MAP3K5: variants seen among roughly 807,000 people sequenced by gnomAD.
MAP3K5 encodes mitogen-activated protein kinase kinase kinase 5.
MAP3K5 carries 56 observed loss-of-function variants against 158.7 expected under a neutral mutation model. That is an observed-to-expected ratio of 0.35 (90% CI 0.28 to 0.44). The LOEUF (loss-of-function observed/expected upper bound fraction) is 0.44, where lower values mean the gene tolerates loss of function less well. MAP3K5 is among the 20% of genes least tolerant of loss of function. The pLI, the probability that MAP3K5 is intolerant of heterozygous loss-of-function variation, is 1.00. For missense variants in MAP3K5, 1,294 were observed against 1,674.8 expected, an observed-to-expected ratio of 0.77 and a Z score of 3.97; for synonymous variants, 579 against 601.7, an observed-to-expected ratio of 0.96 and a Z score of 0.55.
chr6:136,636,077 T>C (rs1418011152), intron 14 of MAP3K5, among the ~76,000 whole-genome samples: 2 of 152,204 alleles, frequency 1.3e-5, no homozygotes, highest in African/African-American at 4.8e-5. Flanking sequence ...ATTTTCAGTA[T>C]GGCTTGGTGC....
intron 7 of MAP3K5, among the ~76,000 whole-genome samples, chr6:136,692,506 C>T (rs1218168961): frequency 2.0e-5 from 3 of 152,146 alleles, no homozygotes; most frequent in East Asian, 1.9e-4. Flanking sequence ...TTATCCTATG[C>T]GGTGCCCTTC....
intron 12 of MAP3K5, among the ~76,000 whole-genome samples, chr6:136,642,019 T>TA (rs1777977445): frequency 9.6e-6 from 1 of 103,908 alleles, no homozygotes; most frequent in East Asian, 2.6e-4. Context: ...ATAAAATAAA[T>TA]AAAATAAAAT....
At chr6:136,653,459 C>A (rs932994134) in intron 10 of MAP3K5, among the ~76,000 whole-genome samples, 2 of 152,162 alleles carry the variant, frequency 1.3e-5, no homozygotes, top group Non-Finnish European at 2.9e-5. Context: ...CTACTGCAAC[C>A]TTTGTAGTGT....
intron 1 of MAP3K5, among the ~76,000 whole-genome samples, chr6:136,732,298 G>A (rs1311234327): frequency 2.0e-5 from 3 of 152,086 alleles, no homozygotes; most frequent in East Asian, 3.9e-4. Context: ...AGTGGCGGGC[G>A]CTTGTAGTCC....
chr6:136,600,876 C>T (rs1775842167), intron 21 of MAP3K5, 146 bp downstream of exon 21: 2 of 637,118 alleles, frequency 3.1e-6, no homozygotes, highest in Non-Finnish European at 2.6e-6. Context: ...TGCAGCTGCA[C>T]ACATCCTTAT....
chr6:136,695,448 T>C (rs986230550), intron 6 of MAP3K5, among the ~76,000 whole-genome samples: 1 of 152,214 alleles, frequency 6.6e-6, no homozygotes, highest in South Asian at 2.1e-4. Context: ...CTGTGAAATA[T>C]GTTTCAATAA....
chr6:136,730,301 C>CTT (rs78963095), intron 1 of MAP3K5, among the ~76,000 whole-genome samples: 2 of 144,984 alleles, frequency 1.4e-5, no homozygotes, highest in African/African-American at 5.0e-5. Context: ...ACTGGCCAAA[C>CTT]TTTTTTTTTT....
At chr6:136,687,125 C>G (rs1373932124) in intron 7 of MAP3K5, among the ~76,000 whole-genome samples, 2 of 152,174 alleles carry the variant, frequency 1.3e-5, no homozygotes, top group Non-Finnish European at 2.9e-5. Context: ...CACCATACAT[C>G]TCCGACCATC....
At chr6:136,718,609 G>T (rs1238803240) in intron 2 of MAP3K5, among the ~76,000 whole-genome samples, 1 of 152,168 alleles carries the variant, frequency 6.6e-6, no homozygotes, top group East Asian at 1.9e-4. Context: ...GACATCATTA[G>T]CCTTTTTAAG....
At chr6:136,722,728 G>T (rs1781799087) in intron 1 of MAP3K5, among the ~76,000 whole-genome samples, 1 of 131,636 alleles carries the variant, frequency 7.6e-6, no homozygotes, top group Non-Finnish European at 1.6e-5. Flanking sequence ...GCCCATACTA[G>T]AGTGCAGTGA....
chr6:136,649,465 C>T (rs1490193892), intron 11 of MAP3K5, among the ~76,000 whole-genome samples: 2 of 152,182 alleles, frequency 1.3e-5, no homozygotes, highest in Non-Finnish European at 2.9e-5. Context: ...CATGGGTGCA[C>T]ATCAGAATCA....
intron 2 of MAP3K5, among the ~76,000 whole-genome samples, chr6:136,709,084 C>T (rs892903337): frequency 2.6e-5 from 4 of 152,126 alleles, no homozygotes; most frequent in Admixed American, 6.5e-5. Context: ...CACATCTCCT[C>T]GAAAGCACTT....
intron 9 of MAP3K5, among the ~76,000 whole-genome samples, chr6:136,656,818 C>T (rs1231068908): frequency 3.3e-5 from 5 of 152,144 alleles, no homozygotes; most frequent in Non-Finnish European, 7.3e-5. Flanking sequence ...GATGGAGTTT[C>T]ACCATGTTGG....
chr6:136,562,248 A>G (rs1830547765), intron 27 of MAP3K5, among the ~76,000 whole-genome samples: 1 of 152,236 alleles, frequency 6.6e-6, no homozygotes, highest in Non-Finnish European at 1.5e-5. Flanking sequence ...CTAAAAACAG[A>G]GAGCCCTGTT....
In MAP3K5 at chr6:136,613,038, C is replaced by T. The variant is rs1776411046; in HGVS notation, c.2415+82G>A. On this transcript the variant is annotated intron_variant, in intron 17 of 29. Transcript: ENST00000359015. This position sits in a 1 kb window ranked among gnomAD's most constrained non-coding sequence, Gnocchi z 4.0. ...TTATTCACCATTCTAAATTAATACT[C>T]ATAACACAATATGACTTTTGCAAGT... is the stretch of plus-strand genomic sequence containing the variant. The T allele has an allele frequency of 2.0e-5, 26 of 1,301,888 alleles. No individual in the cohort carries two copies. The South Asian group carries it at 3.7e-4, about 19-fold the overall frequency. The allele number at this position is 1,301,888 out of a possible 1,614,324, so 80.6% of individuals were successfully genotyped here.
chr6:136,629,912 C>T (rs768793846), intron 14 of MAP3K5, among the ~76,000 whole-genome samples: 5 of 151,932 alleles, frequency 3.3e-5, no homozygotes, highest in Non-Finnish European at 5.9e-5. Flanking sequence ...CCACCATGCC[C>T]GGCTAATTTT....
chr6:136,623,522 C>A (rs904340644), intron 14 of MAP3K5, among the ~76,000 whole-genome samples: 2 of 152,130 alleles, frequency 1.3e-5, no homozygotes, highest in East Asian at 3.9e-4. Flanking sequence ...GACCCAAAAA[C>A]ATTTTTTTAA....
intron 1 of MAP3K5, among the ~76,000 whole-genome samples, chr6:136,763,500 C>T (rs577880717): frequency 2.1e-4 from 32 of 152,162 alleles, no homozygotes; most frequent in Admixed American, 1.1e-3. Flanking sequence ...TGTTTTCTAC[C>T]CACCCTATCT....
intron 9 of MAP3K5, among the ~76,000 whole-genome samples, chr6:136,657,934 T>G (rs963258914): frequency 6.6e-6 from 1 of 152,232 alleles, no homozygotes; most frequent in Non-Finnish European, 1.5e-5. Context: ...GACAAAATGA[T>G]GGACTTTATT....
Sources: allele counts gnomAD v4.1 joint callset (sites outside exome capture counted in the v4.1 genomes callset), GRCh38; gene constraint gnomAD v4.1.1; non-coding constraint Gnocchi (gnomAD v3.1); transcripts MANE v1.5; gene names NCBI Gene and HGNC (gene_info 2026-07-23, HGNC 2026-07-21).